Variants in CCDC192 observed in about 807,000 individuals in gnomAD.
The protein encoded by CCDC192 is coiled-coil domain containing 192.
At chr5:127,883,501 A>C (rs1451834444) in intron 6 of CCDC192, among the ~76,000 whole-genome samples, 1 of 152,244 alleles carries the variant, frequency 6.6e-6, no homozygotes, top group Non-Finnish European at 1.5e-5. Context: ...TATAGGTCTC[A>C]TTCAGAGATT....
intron 3 of CCDC192, among the ~76,000 whole-genome samples, chr5:127,755,477 C>G (rs1052927659): frequency 6.6e-6 from 1 of 151,904 alleles, no homozygotes; most frequent in African/African-American, 2.4e-5. Flanking sequence ...GCGATTGATG[C>G]AAGCGGTCAC....
chr5:127,887,729 A>C (rs543944612), intron 6 of CCDC192, among the ~76,000 whole-genome samples: 4 of 147,544 alleles, frequency 2.7e-5, no homozygotes, highest in African/African-American at 1.0e-4. Flanking sequence ...TTTGAGACAG[A>C]GTTTTGCTCT....
intron 3 of CCDC192, among the ~76,000 whole-genome samples, chr5:127,784,236 G>T (rs970725690): frequency 6.6e-6 from 1 of 152,152 alleles, no homozygotes; most frequent in African/African-American, 2.4e-5. Flanking sequence ...TTTCATAGCA[G>T]ATTACACATG....
chr5:127,715,062 C>G (rs997152575), intron 2 of CCDC192, among the ~76,000 whole-genome samples: 1 of 151,988 alleles, frequency 6.6e-6, no homozygotes, highest in Non-Finnish European at 1.5e-5. Context: ...TATTTTCTCC[C>G]ATTCTGTAGG....
At chr5:127,723,747 C>G (rs1374475918) in intron 2 of CCDC192, among the ~76,000 whole-genome samples, 4 of 152,272 alleles carry the variant, frequency 2.6e-5, no homozygotes, top group African/African-American at 9.6e-5. Context: ...AAGGATGCAG[C>G]CTCTCAGGAA....
At chr5:127,706,731 T>C (rs546030177) in intron 1 of CCDC192, among the ~76,000 whole-genome samples, 2 of 152,092 alleles carry the variant, frequency 1.3e-5, no homozygotes, top group South Asian at 2.1e-4. Context: ...ACATTTTCAG[T>C]TGGGAGATGA....
intron 3 of CCDC192, chr5:127,786,384 G>A (rs1756537624): frequency 1.6e-6 from 1 of 631,256 alleles, no homozygotes; most frequent in Admixed American, 2.5e-5. Context: ...CACTGTTAAT[G>A]TAGGGCCCTT....
chr5:127,704,885 A>G (rs1209622587), intron 1 of CCDC192, among the ~76,000 whole-genome samples: 4 of 141,716 alleles, frequency 2.8e-5, no homozygotes, highest in Admixed American at 7.0e-5. Flanking sequence ...AAATAAATAA[A>G]TCATTTATTC....
At chr5:127,739,338 TCAGA>T (rs1453188239) in intron 2 of CCDC192, among the ~76,000 whole-genome samples, 1 of 152,178 alleles carries the variant, frequency 6.6e-6, no homozygotes, top group Non-Finnish European at 1.5e-5. Flanking sequence ...TTCAAAGCTG[TCAGA>T]CAGGGACATT....
chr5:127,704,890 T>A (rs1750876677), intron 1 of CCDC192, among the ~76,000 whole-genome samples: 1 of 151,268 alleles, frequency 6.6e-6, no homozygotes, highest in South Asian at 2.1e-4. Context: ...AATAAATCAT[T>A]TATTCACCCA....
chr5:127,861,898 A>T (rs569668703), intron 5 of CCDC192, among the ~76,000 whole-genome samples: 2 of 152,214 alleles, frequency 1.3e-5, no homozygotes, highest in African/African-American at 2.4e-5. Context: ...TTTGAAGCCT[A>T]TGAAAGTCAT....
intron 2 of CCDC192, among the ~76,000 whole-genome samples, chr5:127,738,061 G>C (rs1272445408): frequency 6.6e-6 from 1 of 152,080 alleles, no homozygotes. Flanking sequence ...TTTTGCAACA[G>C]CTGGTACCAG....
intron 6 of CCDC192, among the ~76,000 whole-genome samples, chr5:127,931,362 C>A (rs1754025620): frequency 6.6e-6 from 1 of 152,120 alleles, no homozygotes; most frequent in Admixed American, 6.5e-5. Flanking sequence ...TTGGAACTGG[C>A]AAGATATTGT....
intron 6 of CCDC192, among the ~76,000 whole-genome samples, chr5:127,918,931 C>T (rs13153881): frequency 1.3e-5 from 2 of 149,196 alleles, no homozygotes; most frequent in African/African-American, 5.0e-5. Context: ...ATATGTGTGT[C>T]TCTGTGTGTA....
chr5:127,828,099 G>T (rs868851176), intron 5 of CCDC192, among the ~76,000 whole-genome samples: 1 of 152,140 alleles, frequency 6.6e-6, no homozygotes, highest in African/African-American at 2.4e-5. Context: ...TAGAGACAGG[G>T]TTTCACCATG....
chr5:127,703,105 C>G (rs1227293432), upstream of CCDC192, among the ~76,000 whole-genome samples: 1 of 152,178 alleles, frequency 6.6e-6, no homozygotes, highest in Non-Finnish European at 1.5e-5. Context: ...AGCAGTGTGG[C>G]TGTTTCCTTA....
intron 6 of CCDC192, among the ~76,000 whole-genome samples, chr5:127,904,643 T>A (rs1442285401): frequency 6.6e-6 from 1 of 151,860 alleles, no homozygotes; most frequent in Admixed American, 6.6e-5. Context: ...CCGGGATTAC[T>A]GGCGCTTGCC....
chr5:127,938,878 G>A (rs1754266281), intron 6 of CCDC192, among the ~76,000 whole-genome samples: 1 of 152,002 alleles, frequency 6.6e-6, no homozygotes, highest in Non-Finnish European at 1.5e-5. Flanking sequence ...CAGGAGATGA[G>A]GAAGGCCTCC....
At chr5:127,868,508 A>G (rs185893325) in intron 5 of CCDC192, among the ~76,000 whole-genome samples, 1 of 152,326 alleles carries the variant, frequency 6.6e-6, no homozygotes, top group Admixed American at 6.5e-5. Flanking sequence ...ATTCATACTC[A>G]GTGGTGAAGT....
Sources: allele counts gnomAD v4.1 joint callset (sites outside exome capture counted in the v4.1 genomes callset), GRCh38; gene constraint gnomAD v4.1.1; transcripts MANE v1.5; gene names NCBI Gene and HGNC (gene_info 2026-07-23, HGNC 2026-07-21).